Variants in REC114 observed in about 807,000 individuals in gnomAD.
REC114 encodes the protein REC114 meiotic recombination protein.
In REC114, 27 loss-of-function variants were observed where a neutral mutation model predicts 31.3. The observed-to-expected ratio is 0.86, with a 90% CI of 0.64 to 1.19. The LOEUF (loss-of-function observed/expected upper bound fraction) is 1.19. Ranked by LOEUF, REC114 falls within the 50% of genes most tolerant of loss-of-function variation. The pLI is 0.00. For synonymous variants in REC114, 134 were observed against 127.7 expected, an observed-to-expected ratio of 1.05 and a Z score of -0.33; for missense variants, 344 against 326.9, an observed-to-expected ratio of 1.05 and a Z score of -0.40.
intron 2 of REC114, among the ~76,000 whole-genome samples, chr15:73,474,741 T>TG (rs916955679): frequency 6.6e-6 from 1 of 152,096 alleles, no homozygotes; most frequent in Non-Finnish European, 1.5e-5. Context: ...ATCATTCTAG[T>TG]GGGGGAAAAA....
chr15:73,555,745 T>G (rs1894457761), intron 4 of REC114, among the ~76,000 whole-genome samples: 1 of 152,200 alleles, frequency 6.6e-6, no homozygotes, highest in Non-Finnish European at 1.5e-5. Flanking sequence ...TCTGTAAGTT[T>G]TACTTACAGA....
chr15:73,508,215 G>C lies in REC114; in HGVS notation c.250-32270G>C, dbSNP rs77916628. ...AATGAATAAATGAATAGAGTAAATAGATAGTAATCAAAGGCATAGAAATTA... is the reference window on the plus strand; with the variant it reads ...AATGAATAAATGAATAGAGTAAATACATAGTAATCAAAGGCATAGAAATTA... On this transcript the variant is annotated intron_variant, in intron 2 of 5. Coordinates refer to ENST00000331090, the MANE Select transcript of REC114 (RefSeq NM_001042367.2). Among the ~76,000 whole-genome samples the C allele has an allele frequency of 1.4e-4, 21 of 152,210 alleles. No homozygotes were observed. In the East Asian group the frequency reaches 4.1e-3, roughly 29 times the overall value.
At chr15:73,485,911 C>T (rs1166694699) in intron 2 of REC114, among the ~76,000 whole-genome samples, 2 of 152,116 alleles carry the variant, frequency 1.3e-5, no homozygotes, top group African/African-American at 2.4e-5. Flanking sequence ...AATTTAATTC[C>T]ACTTTTGTGT....
chr15:73,540,950 AT>A (rs1409095926), intron 3 of REC114, among the ~76,000 whole-genome samples: 1 of 152,182 alleles, frequency 6.6e-6, no homozygotes, highest in East Asian at 1.9e-4. Flanking sequence ...ATATTAAAAA[AT>A]TTCCCTTTTA....
chr15:73,448,090 AGTTT>A (rs1310908353), intron 1 of REC114, among the ~76,000 whole-genome samples: 4 of 149,002 alleles, frequency 2.7e-5, no homozygotes, highest in Admixed American at 6.6e-5. Context: ...TAGCTGCAGG[AGTTT>A]GTTTGTTTTT....
chr15:73,528,567 A>G (rs1466634733), intron 2 of REC114, among the ~76,000 whole-genome samples: 4 of 152,246 alleles, frequency 2.6e-5, no homozygotes, highest in African/African-American at 9.6e-5. Flanking sequence ...TGCGTGGGAC[A>G]CATCTGGCCC....
At chr15:73,557,801 A>C (rs1437292816) in intron 5 of REC114, among the ~76,000 whole-genome samples, 1 of 152,264 alleles carries the variant, frequency 6.6e-6, no homozygotes, top group African/African-American at 2.4e-5. Flanking sequence ...CTTGGAGCTC[A>C]GATACATTAC....
At chr15:73,553,514 CAAAA>C (rs368537558) in intron 4 of REC114, among the ~76,000 whole-genome samples, 33 of 152,108 alleles carry the variant, frequency 2.2e-4, no homozygotes, top group African/African-American at 7.2e-4. Context: ...TGGAGTGTAA[CAAAA>C]AAACCCAAAA....
intron 4 of REC114, among the ~76,000 whole-genome samples, chr15:73,554,948 AAACTG>A (rs1262984135): frequency 1.3e-5 from 2 of 152,240 alleles, no homozygotes; most frequent in African/African-American, 4.8e-5. Context: ...ACAGAGGAGA[AAACTG>A]AAGAAACTGA....
intron 1 of REC114, among the ~76,000 whole-genome samples, chr15:73,450,255 A>G (rs1300910418): frequency 6.6e-6 from 1 of 152,174 alleles, no homozygotes; most frequent in South Asian, 2.1e-4. Flanking sequence ...CTCACGTGCA[A>G]AGATACACAT....
At position 73,503,634 on chromosome 15, in the gene REC114, G is replaced by A. The variant is rs117510566; in HGVS notation, c.249+29713G>A. 5.3e-3 allele frequency among the ~76,000 whole-genome samples: 809 copies of A among 152,146 alleles called. 5 individuals carry two copies. The highest frequency in any genetic ancestry group is 0.02 in the South Asian group (97 of 4,808). On this transcript the variant is annotated intron_variant, in intron 2 of 5. Transcript: ENST00000331090. ...TAAGCAACATTAAAACAAATTACAG[G>A]TTATCTGGCAGATGTGAAATGGGAT...
intron 2 of REC114, among the ~76,000 whole-genome samples, chr15:73,478,210 C>A (rs925680824): frequency 1.4e-5 from 2 of 146,878 alleles, no homozygotes; most frequent in Middle Eastern, 3.5e-3. Flanking sequence ...GTTGCAGTGA[C>A]CCGACACGGT....
At chr15:73,478,320 G>T (rs1231948691) in intron 2 of REC114, among the ~76,000 whole-genome samples, 4 of 148,114 alleles carry the variant, frequency 2.7e-5, no homozygotes, top group Middle Eastern at 3.5e-3. Flanking sequence ...CGTGGATATC[G>T]ATTATTTTAG....
At chr15:73,492,652 C>T (rs1436053098) in intron 2 of REC114, among the ~76,000 whole-genome samples, 3 of 152,002 alleles carry the variant, frequency 2.0e-5, no homozygotes, top group African/African-American at 7.2e-5. Flanking sequence ...TTGATGATGC[C>T]GATTATACTC....
At chr15:73,483,853 T>C (rs1893329218) in intron 2 of REC114, 1 of 152,340 alleles carries the variant, frequency 6.6e-6, no homozygotes, top group African/African-American at 2.4e-5. Context: ...GAAGGAAGCC[T>C]GGCATTCCCT....
chr15:73,522,122 G>C (rs571430114), intron 2 of REC114, among the ~76,000 whole-genome samples: 1 of 152,208 alleles, frequency 6.6e-6, no homozygotes, highest in Non-Finnish European at 1.5e-5. Flanking sequence ...CAAAGAATCT[G>C]CCTGTCCTCC....
intron 4 of REC114, among the ~76,000 whole-genome samples, chr15:73,552,630 G>A (rs928680385): frequency 2.0e-5 from 3 of 152,154 alleles, no homozygotes; most frequent in Admixed American, 6.5e-5. Context: ...TATGTGTTCT[G>A]CATTTCTTTG....
chr15:73,469,678 C>T (rs764744638), intron 1 of REC114, among the ~76,000 whole-genome samples: 5 of 141,284 alleles, frequency 3.5e-5, no homozygotes, highest in Non-Finnish European at 6.1e-5. Flanking sequence ...AAGCCTTAGA[C>T]TCTTTTTTTT....
At chr15:73,443,472 G>A in intron 1 of REC114, 128 bp downstream of exon 1, 1 of 1,145,694 alleles carries the variant, frequency 8.7e-7, no homozygotes, top group Non-Finnish European at 1.2e-6. Flanking sequence ...CAGGCCTGTT[G>A]GGGAATGGAC....
Sources: gnomAD v4.1 joint callset for allele counts (sites outside exome capture counted in the v4.1 genomes callset) on GRCh38, gnomAD v4.1.1 for gene constraint, MANE v1.5 for transcripts, NCBI Gene and HGNC (gene_info 2026-07-23, HGNC 2026-07-21) for gene names.